MCF2: variants seen among roughly 807,000 people sequenced by gnomAD.
MCF2 encodes the protein proto-oncogene DBL.
Under a neutral mutation model 82.5 loss-of-function variants are expected in MCF2, and 44 were observed. The observed-to-expected ratio is 0.53, with a 90% CI of 0.42 to 0.69. MCF2 has a LOEUF of 0.69. MCF2 is among the 30% of genes least tolerant of loss of function. The pLI, the probability that MCF2 is intolerant of heterozygous loss-of-function variation, is 0.00. For missense variants in MCF2, 623 were observed against 663.1 expected, an observed-to-expected ratio of 0.94 and a Z score of 0.66; for synonymous variants, 217 against 224.9, an observed-to-expected ratio of 0.96 and a Z score of 0.32.
At chrX:139,700,169 T>C (rs890963000) in intron 1 of MCF2, among the ~76,000 whole-genome samples, 1 of 111,308 alleles carries the variant, frequency 9.0e-6, no homozygotes, top group Non-Finnish European at 1.9e-5. Flanking sequence ...AGAGAATAGG[T>C]GCTGGGAGAT....
At chrX:139,657,867 T>C (rs976071916) in intron 1 of MCF2, among the ~76,000 whole-genome samples, 4 of 111,956 alleles carry the variant, frequency 3.6e-5, no homozygotes, top group Non-Finnish European at 7.5e-5. Context: ...AAGCACTTTG[T>C]TCTAAAGTCA....
At chrX:139,646,815 T>C (rs1381383420), upstream of MCF2, 4 of 1,153,428 alleles carry the variant, frequency 3.5e-6, no homozygotes, top group East Asian at 9.1e-5. Context: ...GGTAAGTAAG[T>C]ACTTTTGCTA....
At chrX:139,682,067 G>A (rs1935011673) in intron 1 of MCF2, among the ~76,000 whole-genome samples, 1 of 111,471 alleles carries the variant, frequency 9.0e-6, no homozygotes, top group East Asian at 2.8e-4. Flanking sequence ...AAGGCACTAG[G>A]AAATGACAGG....
Position 139,616,493 on chromosome X carries a change from GAAA to G in MCF2, c.1000-23_1000-21del, listed in dbSNP as rs68033160. 1.0e-5 allele frequency: 8 copies of G among 780,647 alleles called. No homozygotes were observed. Among genetic ancestry groups the G allele is most frequent in the Non-Finnish European group, 1.2e-5 (7 of 586,927 alleles). 64.3% of individuals were successfully genotyped at this position (780,647 alleles called of 1,213,427 possible). A position where few individuals can be genotyped will look rare whatever the true frequency, so the allele number is the denominator to read the frequency against. On this transcript the variant is annotated intron_variant, in intron 8 of 24. Transcript: ENST00000370576. ...ACGAGCCTGGTAAGAAAATCAAGAA[GAAA>G]AAAAAAAAATATGAATTAATAAAGA...
At chrX:139,698,641 A>G (rs953919195) in intron 1 of MCF2, among the ~76,000 whole-genome samples, 3 of 112,047 alleles carry the variant, frequency 2.7e-5, no homozygotes, top group African/African-American at 9.7e-5. Context: ...AGATAAAAGT[A>G]TAGGTAATAG....
intron 21 of MCF2, 126 bp downstream of exon 25, chrX:139,588,234 C>T: frequency 2.2e-6 from 1 of 454,788 alleles, no homozygotes; most frequent in Non-Finnish European, 3.7e-6. Context: ...ATTAAATTAA[C>T]AAATCTTCTC....
At chrX:139,691,728 T>C (rs1380398505) in intron 1 of MCF2, among the ~76,000 whole-genome samples, 1 of 61,756 alleles carries the variant, frequency 1.6e-5, no homozygotes, top group Non-Finnish European at 2.8e-5. Context: ...GGAAAGTGTG[T>C]GTGTGCGCGG....
At chrX:139,607,822 T>C in intron 11 of MCF2, 43 bp from the exon 16 acceptor site, 2 of 931,973 alleles carry the variant, frequency 2.1e-6, no homozygotes, top group Non-Finnish European at 3.1e-6. Flanking sequence ...CCTCTGTAGG[T>C]ATAATTTTTC....
chrX:139,693,108 G>A lies in MCF2; in HGVS notation c.-45+14998C>T, dbSNP rs760564385. Among the ~76,000 whole-genome samples, 30 of 111,574 alleles carry A rather than the reference G, an allele frequency of 2.7e-4. No individual in the cohort carries two copies. In the South Asian group the frequency reaches 0.011, roughly 42 times the overall value. ...CAAAGCACTCAGGGACTGGGCCGAG[G>A]GAAGATGGAGCTCCGCAGTGCCTGG... On this transcript the variant is annotated intron_variant, in intron 1 of 27. Coordinates refer to the MCF2 transcript ENST00000414978.
intron 1 of MCF2, among the ~76,000 whole-genome samples, chrX:139,688,863 G>A (rs147071791): frequency 0.097 from 10,757 of 110,978 alleles, 430 homozygotes; most frequent in South Asian, 0.21. Flanking sequence ...TATAGATGAT[G>A]AGAATAAGAA....
At chrX:139,595,741 AAAAAT>A (rs1930025832) in intron 19 of MCF2, among the ~76,000 whole-genome samples, 1 of 109,517 alleles carries the variant, frequency 9.1e-6, no homozygotes, top group South Asian at 3.8e-4. Context: ...AATAAAATAA[AAAAAT>A]AAAAAATAAA....
chrX:139,638,049 C>T (rs1176959469), intron 1 of MCF2, among the ~76,000 whole-genome samples: 2 of 111,384 alleles, frequency 1.8e-5, no homozygotes, highest in Non-Finnish European at 3.8e-5. Context: ...GATTTTTAGC[C>T]CAGTTGGGTA....
chrX:139,587,233 G>A (rs1455822918), intron 22 of MCF2, among the ~76,000 whole-genome samples: 1 of 110,439 alleles, frequency 9.1e-6, no homozygotes, highest in Non-Finnish European at 1.9e-5. Flanking sequence ...TCCTGGTTGT[G>A]TCCAGGCTCA....
upstream of MCF2, among the ~76,000 whole-genome samples, chrX:139,644,905 C>G (rs932103945): frequency 2.1e-4 from 24 of 111,766 alleles, no homozygotes; most frequent in African/African-American, 5.8e-4. Flanking sequence ...CATCTCCCTC[C>G]TCGTCTATGA....
At chrX:139,593,633 T>C (rs374964088) in intron 19 of MCF2, among the ~76,000 whole-genome samples, 1 of 111,136 alleles carries the variant, frequency 9.0e-6, no homozygotes, top group Non-Finnish European at 1.9e-5. Flanking sequence ...TGCAAAAATC[T>C]TCAATAAAAT....
intron 1 of MCF2, among the ~76,000 whole-genome samples, chrX:139,685,016 T>C (rs748322350): frequency 4.4e-4 from 49 of 111,440 alleles, no homozygotes; most frequent in African/African-American, 1.5e-3. Context: ...AAAAATAGGC[T>C]CTCATATATG....
At chrX:139,599,139 A>C (rs1460008094) in intron 16 of MCF2, among the ~76,000 whole-genome samples, 1 of 108,855 alleles carries the variant, frequency 9.2e-6, no homozygotes, top group Admixed American at 9.8e-5. Flanking sequence ...CCTGAATAAG[A>C]ACCATGGCTC....
chrX:139,660,210 C>T, intron 1 of MCF2, among the ~76,000 whole-genome samples: 1 of 111,875 alleles, frequency 8.9e-6, no homozygotes, highest in Admixed American at 9.5e-5. Flanking sequence ...CATCTAAAAT[C>T]TGTACTCAGA....
rs1260146640 is a variant in MCF2, at chrX:139,642,878, T to C, written c.-360A>G. 4.6e-6 allele frequency: 4 copies of C among 873,534 alleles called. No homozygotes were observed. The East Asian group carries it at 3.2e-4, about 69-fold the overall frequency. 72.0% of individuals were successfully genotyped at this position (873,534 alleles called of 1,213,427 possible). A position where few individuals can be genotyped will look rare whatever the true frequency, so the allele number is the denominator to read the frequency against. ...GAGGAGGAAAAAAAAACCAGCTCTC[T>C]TCCTAGGAGCAGGCTTGATGGGACT... On this transcript the variant is annotated 5_prime_UTR_variant, in exon 1 of 25. Transcript: ENST00000370576.
Sources: allele counts gnomAD v4.1 joint callset (sites outside exome capture counted in the v4.1 genomes callset), GRCh38; gene constraint gnomAD v4.1.1; transcripts MANE v1.5; gene names NCBI Gene and HGNC (gene_info 2026-07-23, HGNC 2026-07-21).